The following C2CD5 variants were observed in gnomAD, a reference collection of about 807,000 sequenced individuals.
C2CD5 encodes the protein C2 domain-containing protein 5.
Under a neutral mutation model 130.3 loss-of-function variants are expected in C2CD5, and 109 were observed. The observed-to-expected ratio is 0.84, with a 90% CI of 0.72 to 0.98. The LOEUF (loss-of-function observed/expected upper bound fraction) is 0.98. Ranked by LOEUF, C2CD5 falls within the 50% of genes least tolerant of loss-of-function variation. The pLI, the probability that C2CD5 is intolerant of heterozygous loss-of-function variation, is 0.00. For synonymous variants in C2CD5, 454 were observed against 429.2 expected, an observed-to-expected ratio of 1.06 and a Z score of -0.71; for missense variants, 996 against 1,261.8, an observed-to-expected ratio of 0.79 and a Z score of 3.19.
Position 22,455,967 on chromosome 12 carries a change from G to A in C2CD5, c.2877+1004C>T, listed in dbSNP as rs117386360. Among the ~76,000 whole-genome samples, 674 of 152,332 alleles carry A rather than the reference G, an allele frequency of 4.4e-3. 12 individuals are homozygous for A. The East Asian group carries it at 0.05, about 11-fold the overall frequency. On this transcript the variant is annotated intron_variant, in intron 25 of 26. Transcript: ENST00000446597. The stretch of plus-strand genomic sequence containing the variant: ...CCCAAAGTGGTGAGAATATAGGCGT[G>A]AGCCACTGTGCCTGGCCTAATTTAC...
intron 22 of C2CD5, among the ~76,000 whole-genome samples, chr12:22,464,994 T>C (rs982240594): frequency 1.7e-4 from 26 of 152,084 alleles, no homozygotes; most frequent in African/African-American, 4.3e-4. Context: ...TGAGACTGTC[T>C]CTAAAAAGAA....
At position 22,518,018 on chromosome 12, in the gene C2CD5, G is replaced by C; in HGVS notation, c.920C>G (p.Ser307Cys). ...SKSYSRQSSS[S>C]DTDLSLTPKT... Reference sequence around the variant, plus strand: ...GGGTGTCAAACTCAAATCTGTGTCAGAAGAAGAGGACTGTCGACTGTAGGA... The same window carrying C: ...GGGTGTCAAACTCAAATCTGTGTCACAAGAAGAGGACTGTCGACTGTAGGA... The change falls in exon 8 of 27, where the codon TCT (serine) becomes TGT (cysteine). Residue 307 changes from serine to cysteine, a missense_variant. Physicochemically the swap from Ser to Cys is moderately radical, Grantham distance 112. Around this residue, in one of 9 missense-constraint regions of C2CD5, gnomAD observed 156 missense variants for 165.9 expected, o/e 0.94. Coordinates refer to ENST00000446597, the MANE Select transcript of C2CD5 (RefSeq NM_001286176.2). 6.2e-7 allele frequency: 1 copy of C among 1,613,534 alleles called. No individual in the cohort carries two copies.
chr12:22,472,517 T>G (rs879368102), intron 17 of C2CD5, 170 bp from the exon 18 acceptor site: 68 of 602,686 alleles, frequency 1.1e-4, no homozygotes, highest in Middle Eastern at 4.5e-4. Flanking sequence ...TTATCACAGG[T>G]TTTTTTTTCC....
At chr12:22,512,800 T>C (rs1949336619) in intron 9 of C2CD5, 1 of 620,196 alleles carries the variant, frequency 1.6e-6, no homozygotes, top group South Asian at 2.2e-5. Flanking sequence ...ATAACTGAAA[T>C]AGATGCATTA....
intron 22 of C2CD5, among the ~76,000 whole-genome samples, chr12:22,465,816 C>T (rs962434745): frequency 3.9e-5 from 6 of 151,980 alleles, no homozygotes; most frequent in Admixed American, 2.0e-4. Context: ...CTTGAATAAA[C>T]ATAAATAATT....
At chr12:22,525,128 A>G (rs1390746891) in intron 5 of C2CD5, among the ~76,000 whole-genome samples, 2 of 152,176 alleles carry the variant, frequency 1.3e-5, no homozygotes, top group Admixed American at 6.5e-5. Context: ...GAGAGAGAGA[A>G]CCTGAATACA....
chr12:22,478,101 C>T (rs1030270605), intron 15 of C2CD5: 2 of 520,002 alleles, frequency 3.8e-6, no homozygotes, highest in East Asian at 3.4e-5. Flanking sequence ...TAGGAAGTGG[C>T]AAAAATGAAG....
At chr12:22,509,609 T>C (rs1374843173) in intron 9 of C2CD5, among the ~76,000 whole-genome samples, 1 of 152,212 alleles carries the variant, frequency 6.6e-6, no homozygotes, top group Non-Finnish European at 1.5e-5. Flanking sequence ...AATTCTCTCA[T>C]GAGAAGAGCT....
Position 22,473,915 on chromosome 12 carries a change from GA to G in C2CD5, c.2043+835del, listed in dbSNP as rs1178246918. ...TTCTCAGACTGTAGAGAAATGTGGG[GA>G]AAAAGTGGGGGGCAAATAACCATAT... is the stretch of plus-strand genomic sequence containing the variant. On this transcript the variant is annotated intron_variant, in intron 16 of 26. Coordinates refer to ENST00000446597, the MANE Select transcript of C2CD5 (RefSeq NM_001286176.2). 3.3e-5 allele frequency among the ~76,000 whole-genome samples: 5 copies of G among 152,038 alleles called. No individual in the cohort carries two copies. The East Asian group carries it at 7.7e-4, about 23-fold the overall frequency.
chr12:22,523,443 TG>T lies in C2CD5; in HGVS notation c.782del (p.Pro261HisfsTer5). 3.7e-6 allele frequency: 6 copies of T among 1,613,330 alleles called. No individual in the cohort carries two copies. The highest frequency in any genetic ancestry group is 5.1e-6 in the Non-Finnish European group (6 of 1,179,416). ...PAAFLPACNS[P>X]SKEMKEIPFN... is the part of the protein sequence containing the mutation. ...ATACTTACTCCTTCATTTCTTTGGA[TG>T]GGGAATTACATGCAGGAAGGAATGC... On this transcript the variant is annotated frameshift_variant, in exon 7 of 27. Transcript: ENST00000446597. LOFTEE classifies it high-confidence loss of function.
At chr12:22,528,239 T>C (rs542480860) in intron 3 of C2CD5, among the ~76,000 whole-genome samples, 1 of 152,304 alleles carries the variant, frequency 6.6e-6, no homozygotes, top group South Asian at 2.1e-4. Flanking sequence ...AGAGTTCATG[T>C]AGTATCTATA....
intron 21 of C2CD5, 68 bp downstream of exon 21, chr12:22,470,756 G>A: frequency 1.1e-6 from 1 of 916,094 alleles, no homozygotes; most frequent in Non-Finnish European, 1.8e-6. Context: ...CACCTGTCCT[G>A]TATATTTTAT....
chr12:22,471,020 G>A, intron 20 of C2CD5, 109 bp from the exon 21 acceptor site: 1 of 667,176 alleles, frequency 1.5e-6, no homozygotes. Flanking sequence ...TACCTTTTCT[G>A]GTTAAAATCC....
chr12:22,544,201 T>G, intron 1 of C2CD5, 22 bp from the exon 2 acceptor site: 1 of 1,572,008 alleles, frequency 6.4e-7, no homozygotes. Context: ...AACAAACGAG[T>G]CTGCGCCGAG....
At chr12:22,484,454 C>T in intron 13 of C2CD5, 1 of 361,512 alleles carries the variant, frequency 2.8e-6, no homozygotes, top group Non-Finnish European at 4.9e-6. Context: ...TTAATAATTC[C>T]CAAAATGACA....
intron 22 of C2CD5, among the ~76,000 whole-genome samples, chr12:22,463,190 C>T (rs1941489280): frequency 6.6e-6 from 1 of 152,046 alleles, no homozygotes; most frequent in East Asian, 1.9e-4. Flanking sequence ...AGTTCGAGAC[C>T]AGCCTGACCA....
intron 10 of C2CD5, 144 bp from the exon 11 acceptor site, chr12:22,493,481 C>T: frequency 1.9e-6 from 1 of 519,080 alleles, no homozygotes; most frequent in East Asian, 3.1e-5. Context: ...TAAAATGCTA[C>T]TTCTCAAAAG....
chr12:22,476,449 G>A (rs1054318173), intron 15 of C2CD5, among the ~76,000 whole-genome samples: 1 of 152,020 alleles, frequency 6.6e-6, no homozygotes, highest in African/African-American at 2.4e-5. Context: ...TGAAAATACA[G>A]TCATCCTCAA....
rs767639045 is a variant in C2CD5, at chr12:22,525,718, A to T, written c.350-13T>A. On this transcript the variant is annotated splice_polypyrimidine_tract_variant and intron_variant, in intron 4 of 26. Coordinates refer to ENST00000446597, the MANE Select transcript of C2CD5 (RefSeq NM_001286176.2). Reference sequence around the variant, plus strand: ...TCCCCACGGATACCTATAAATTTAAAAAGAAAATCAAGTTTCTACCTTAAG... The same window carrying T: ...TCCCCACGGATACCTATAAATTTAATAAGAAAATCAAGTTTCTACCTTAAG... 3.2e-6 allele frequency: 4 copies of T among 1,240,558 alleles called. No individual in the cohort carries two copies. The highest frequency in any genetic ancestry group is 4.7e-6 in the Non-Finnish European group (4 of 845,528). The allele number at this position is 1,240,558 out of a possible 1,614,324, so 76.8% of individuals were successfully genotyped here.
Sources: gnomAD v4.1 joint callset for allele counts (sites outside exome capture counted in the v4.1 genomes callset) on GRCh38, gnomAD v4.1.1 for gene constraint, gnomAD v4.1.1 regional missense constraint, MANE v1.5 for transcripts, NCBI Gene and HGNC (gene_info 2026-07-23, HGNC 2026-07-21) for gene names.